Variants in RBFOX1 observed in about 807,000 individuals in gnomAD.
The protein encoded by RBFOX1 is RNA binding fox-1 homolog 1, also known as RNA binding protein fox-1 homolog 1.
In RBFOX1, 8 loss-of-function variants were observed where a neutral mutation model predicts 57.7. That is an observed-to-expected ratio of 0.14 (90% CI 0.08 to 0.25). The LOEUF is 0.25. Ranked by LOEUF, RBFOX1 falls within the 10% of genes least tolerant of loss-of-function variation. RBFOX1 has a pLI of 1.00. For missense variants in RBFOX1, 611 were observed against 548.5 expected, an observed-to-expected ratio of 1.11 and a Z score of -1.14; for synonymous variants, 326 against 222.4, an observed-to-expected ratio of 1.47 and a Z score of -4.15.
At chr16:6,118,582 T>G (rs972572575) in intron 1 of RBFOX1, among the ~76,000 whole-genome samples, 1 of 151,942 alleles carries the variant, frequency 6.6e-6, no homozygotes, top group African/African-American at 2.4e-5. Flanking sequence ...TTTCTCTCTC[T>G]CCTTCTCTCC....
intron 3 of RBFOX1, among the ~76,000 whole-genome samples, chr16:6,938,612 G>T (rs373152159): frequency 8.5e-5 from 13 of 152,076 alleles, no homozygotes; most frequent in African/African-American, 3.1e-4. Flanking sequence ...GGTGGATTTA[G>T]TTGGACTGTT....
chr16:6,703,126 A>G (rs1047491586), intron 3 of RBFOX1, among the ~76,000 whole-genome samples: 3 of 152,160 alleles, frequency 2.0e-5, no homozygotes, highest in South Asian at 2.1e-4. Context: ...TCATTGTGAG[A>G]ATATATCATG....
chr16:5,350,153 T>C (rs1293054457), intron 1 of RBFOX1, among the ~76,000 whole-genome samples: 1 of 152,140 alleles, frequency 6.6e-6, no homozygotes, highest in Non-Finnish European at 1.5e-5. Context: ...GTGCATAATG[T>C]ATGTGCTTGC....
intron 2 of RBFOX1, among the ~76,000 whole-genome samples, chr16:6,511,090 G>C (rs2096247169): frequency 6.6e-6 from 1 of 152,188 alleles, no homozygotes; most frequent in Admixed American, 6.5e-5. Flanking sequence ...GCGTGGATCA[G>C]AATGGCTTTT....
chr16:5,789,036 G>T (rs1190031297), intron 3 of RBFOX1, among the ~76,000 whole-genome samples: 1 of 152,136 alleles, frequency 6.6e-6, no homozygotes, highest in Non-Finnish European at 1.5e-5. Flanking sequence ...GTCCAAACTA[G>T]TGAAAAGTTT....
At chr16:6,524,040 G>T (rs2153807377) in intron 2 of RBFOX1, among the ~76,000 whole-genome samples, 1 of 152,194 alleles carries the variant, frequency 6.6e-6, no homozygotes, top group East Asian at 1.9e-4. Context: ...AAAATGTACA[G>T]GTAAGTTATT....
chr16:6,248,774 A>G (rs748344466), intron 1 of RBFOX1, among the ~76,000 whole-genome samples: 1 of 152,152 alleles, frequency 6.6e-6, no homozygotes, highest in Non-Finnish European at 1.5e-5. Flanking sequence ...AAGAAGTCAC[A>G]TGCATATTAT....
At chr16:7,420,936 T>TACAC (rs1180490727) in intron 4 of RBFOX1, among the ~76,000 whole-genome samples, 15 of 144,304 alleles carry the variant, frequency 1.0e-4, no homozygotes, top group African/African-American at 3.1e-4. Flanking sequence ...CACATATATA[T>TACAC]ATACACACAC....
chr16:6,576,429 G>C (rs9926138), intron 2 of RBFOX1, among the ~76,000 whole-genome samples: 1 of 151,956 alleles, frequency 6.6e-6, no homozygotes, highest in Non-Finnish European at 1.5e-5. Context: ...TTGGGAATCA[G>C]ATTTTTTTCT....
At chr16:6,851,241 T>C (rs1303708250) in intron 3 of RBFOX1, among the ~76,000 whole-genome samples, 1 of 152,142 alleles carries the variant, frequency 6.6e-6, no homozygotes, top group African/African-American at 2.4e-5. Flanking sequence ...ATTCTAGATA[T>C]AGAGAATCAA....
At chr16:6,077,298 G>A (rs2095917919) in intron 1 of RBFOX1, among the ~76,000 whole-genome samples, 1 of 145,404 alleles carries the variant, frequency 6.9e-6, no homozygotes, top group Non-Finnish European at 1.5e-5. Flanking sequence ...CTCACATATG[G>A]AGCATTTCTT....
intron 3 of RBFOX1, among the ~76,000 whole-genome samples, chr16:7,048,983 G>C (rs373360959): frequency 2.4e-4 from 36 of 152,054 alleles, no homozygotes; most frequent in Non-Finnish European, 4.1e-4. Context: ...ATCAAGTCTG[G>C]GACATGGGCA....
intron 4 of RBFOX1, among the ~76,000 whole-genome samples, chr16:7,103,699 A>T (rs145993782): frequency 1.1e-4 from 16 of 152,322 alleles, no homozygotes; most frequent in African/African-American, 3.8e-4. Context: ...AACGTAAATA[A>T]TAACGAATAT....
chr16:6,128,622 T>C (rs751251160), intron 1 of RBFOX1, among the ~76,000 whole-genome samples: 10 of 152,182 alleles, frequency 6.6e-5, no homozygotes, highest in African/African-American at 1.2e-4. Context: ...GGAATCGTTT[T>C]GGGGTCAGGT....
intron 4 of RBFOX1, among the ~76,000 whole-genome samples, chr16:7,500,942 T>G (rs2070588983): frequency 6.6e-6 from 1 of 152,172 alleles, no homozygotes; most frequent in Non-Finnish European, 1.5e-5. Context: ...TCTGATGGGT[T>G]TATATGAGGC....
intron 4 of RBFOX1, among the ~76,000 whole-genome samples, chr16:7,462,884 G>A (rs2059833150): frequency 6.6e-6 from 1 of 152,194 alleles, no homozygotes; most frequent in Non-Finnish European, 1.5e-5. Flanking sequence ...GTTGGAGAAA[G>A]TTGTCCACCT....
chr16:6,543,009 ACT>A (rs940238197), intron 2 of RBFOX1, among the ~76,000 whole-genome samples: 7 of 150,182 alleles, frequency 4.7e-5, no homozygotes, highest in African/African-American at 1.7e-4. Flanking sequence ...TCCTCCTCTC[ACT>A]CTCCCTCCCC....
intron 1 of RBFOX1, among the ~76,000 whole-genome samples, chr16:6,256,490 A>G (rs1003547253): frequency 4.6e-5 from 7 of 151,422 alleles, no homozygotes; most frequent in African/African-American, 1.7e-4. Flanking sequence ...GAAGTTGATG[A>G]GACCAGATTG....
intron 4 of RBFOX1, among the ~76,000 whole-genome samples, chr16:7,480,591 G>A (rs186616031): frequency 5.9e-5 from 9 of 152,114 alleles, no homozygotes; most frequent in Non-Finnish European, 8.8e-5. Context: ...TTTTTCAAGC[G>A]TGGACTCATT....
Sources: gnomAD v4.1 joint callset for allele counts (sites outside exome capture counted in the v4.1 genomes callset) on GRCh38, gnomAD v4.1.1 for gene constraint, MANE v1.5 for transcripts, NCBI Gene and HGNC (gene_info 2026-07-23, HGNC 2026-07-21) for gene names.